The following USP46 variants were observed in gnomAD, a reference collection of about 807,000 sequenced individuals.
The protein encoded by USP46 is ubiquitin specific peptidase 46, also known as ubiquitin carboxyl-terminal hydrolase 46.
A neutral mutation model predicts 44.4 loss-of-function variants in USP46; 12 were observed. The ratio of observed to expected loss-of-function variants is 0.27; its 90% CI spans 0.17 to 0.44. The LOEUF is 0.44. Ranked by LOEUF, USP46 falls within the 20% of genes least tolerant of loss-of-function variation. The pLI is 1.00. For synonymous variants in USP46, 155 were observed against 161.5 expected (o/e 0.96, Z 0.31); for missense variants, 248 against 444.8 (o/e 0.56, Z 3.98).
At position 52,597,575 on chromosome 4, in the gene USP46, G is replaced by A. The variant is rs1358900862; in HGVS notation, c.*65C>T. 2.1e-5 allele frequency: 24 copies of A among 1,148,514 alleles called. No individual in the cohort carries two copies. Among genetic ancestry groups the A allele is most frequent in the Non-Finnish European group, 2.8e-5 (22 of 791,904 alleles). The allele number at this position is 1,148,514 out of a possible 1,614,324, so 71.1% of individuals were successfully genotyped here. ...GCCACTGGGGAAGAGGAAAGCCTGC[G>A]GAGAAGCCGGGTGACAGTGCTGTGA... is the stretch of plus-strand genomic sequence containing the variant. On this transcript the variant is annotated 3_prime_UTR_variant, in exon 9 of 9. Transcript: ENST00000441222.
intron 5 of USP46, among the ~76,000 whole-genome samples, chr4:52,608,462 G>C (rs946681343): frequency 2.6e-5 from 4 of 152,230 alleles, no homozygotes; most frequent in African/African-American, 9.6e-5. Flanking sequence ...TGGGGCTCTG[G>C]CACAGCCAGG....
At chr4:52,649,259 A>G (rs921755075) in intron 1 of USP46, among the ~76,000 whole-genome samples, 1 of 152,240 alleles carries the variant, frequency 6.6e-6, no homozygotes, top group Non-Finnish European at 1.5e-5. Context: ...TGATGAACTA[A>G]AAGAGTGAGA....
At chr4:52,603,962 G>C (rs200762035) in intron 6 of USP46, among the ~76,000 whole-genome samples, 2 of 152,270 alleles carry the variant, frequency 1.3e-5, no homozygotes, top group East Asian at 3.9e-4. Context: ...TGGGATTATA[G>C]GTGTGAGCCA....
At chr4:52,627,851 C>T (rs1717652591) in intron 3 of USP46, 99 bp downstream of exon 3, 1 of 1,332,054 alleles carries the variant, frequency 7.5e-7, no homozygotes. Context: ...CTTATTTTCC[C>T]TTTTCAAAAA....
chr4:52,597,709 A>G lies in USP46; in HGVS notation c.1032T>C (p.Tyr344=), dbSNP rs375396424. 4.2e-5 allele frequency: 67 copies of G among 1,603,520 alleles called. No individual in the cohort carries two copies. Among genetic ancestry groups the G allele is most frequent in the Non-Finnish European group, 5.7e-5 (67 of 1,174,884 alleles). The change falls in exon 9 of 9, where the codon TAT becomes TAC. Residue 344 remains tyrosine, a synonymous_variant. Coordinates refer to ENST00000441222, the MANE Select transcript of USP46 (RefSeq NM_022832.4). The part of the protein sequence containing the change: ...KIDAQAIEEF[Y]GLTSDISKNS... ...TTTTTGATATATCTGACGTCAGGCC[A>G]TAGAATTCTTCAATAGCTTGAGCAT...
At position 52,626,133 on chromosome 4, in the gene USP46, A is replaced by G; in HGVS notation, c.446T>C (p.Leu149Ser). 1.2e-6 allele frequency: 2 copies of G among 1,613,788 alleles called. No homozygotes were observed. Among genetic ancestry groups the G allele is most frequent in the Non-Finnish European group, 1.7e-6 (2 of 1,179,838 alleles). Residue 149 changes from leucine (L) to serine (S), a missense_variant, in exon 4 of 9, where the codon TTA becomes TCA. Leu to Ser is a moderately radical substitution (Grantham distance 145). Coordinates refer to ENST00000441222, the MANE Select transcript of USP46 (RefSeq NM_022832.4). ...AGGTTCGTTCATGTTGCCATTTTTT[A>G]ATTTTCCATTTTGTTTTTCCTGTTT... ...EKKQEKQNGKLKNGNMNEPAE... is the reference protein window; with the variant it reads ...EKKQEKQNGKSKNGNMNEPAE...
Position 52,626,250 on chromosome 4 carries a change from G to A in USP46, c.332-3C>T. 6.2e-7 allele frequency: 1 copy of A among 1,607,988 alleles called. No individual in the cohort carries two copies. Among genetic ancestry groups the A allele is most frequent in the Non-Finnish European group, 8.5e-7 (1 of 1,177,086 alleles). ...CTGCATGTAGTTATCAAAGAGATCT[G>A]GAAAGGAGAAGGTGGTTATTTCAGT... On this transcript the variant is annotated splice_polypyrimidine_tract_variant and splice_region_variant and intron_variant, in intron 3 of 8. Transcript: ENST00000441222.
intron 6 of USP46, among the ~76,000 whole-genome samples, 157 bp downstream of exon 6, chr4:52,604,344 T>C (rs1716593030): frequency 1.3e-5 from 2 of 152,230 alleles, no homozygotes; most frequent in African/African-American, 4.8e-5. Flanking sequence ...AGCGTTCTTA[T>C]CCCAGTTTCA....
At chr4:52,628,742 G>A (rs1717697233) in intron 2 of USP46, among the ~76,000 whole-genome samples, 1 of 152,174 alleles carries the variant, frequency 6.6e-6, no homozygotes, top group African/African-American at 2.4e-5. Flanking sequence ...CAGCAACGCA[G>A]GCAAAAATAT....
chr4:52,629,143 G>A (rs775547054), intron 2 of USP46, among the ~76,000 whole-genome samples: 5 of 152,204 alleles, frequency 3.3e-5, no homozygotes, highest in Admixed American at 1.3e-4. Flanking sequence ...TCTCAAAACT[G>A]GTTGTTGGCT....
At chr4:52,610,494 A>T in intron 5 of USP46, 47 bp downstream of exon 5, 2 of 1,520,084 alleles carry the variant, frequency 1.3e-6, no homozygotes, top group Non-Finnish European at 1.8e-6. Context: ...TCTCCCACTT[A>T]GTTACAAGCC....
chr4:52,630,472 G>C (rs529157147), intron 2 of USP46, among the ~76,000 whole-genome samples: 1 of 152,076 alleles, frequency 6.6e-6, no homozygotes. Flanking sequence ...AGCAGATTTC[G>C]GGCCTGGTGC....
chr4:52,633,195 C>T (rs960614704), intron 1 of USP46, among the ~76,000 whole-genome samples: 5 of 152,154 alleles, frequency 3.3e-5, no homozygotes, highest in African/African-American at 1.2e-4. Context: ...TGACCCTCCT[C>T]GGACCACAGA....
chr4:52,629,807 T>A (rs1717745646), intron 2 of USP46: 1 of 445,472 alleles, frequency 2.2e-6, no homozygotes, highest in Admixed American at 2.4e-5. Flanking sequence ...GAAGCCATTA[T>A]GACCCCCACT....
intron 1 of USP46, among the ~76,000 whole-genome samples, chr4:52,647,921 T>C (rs1348231259): frequency 6.6e-6 from 1 of 152,134 alleles, no homozygotes; most frequent in East Asian, 1.9e-4. Flanking sequence ...TCTACTACAG[T>C]GTTTGGTGGA....
chr4:52,592,163 C>T lies in USP46; in HGVS notation c.*5477G>A, dbSNP rs374498469. 1.3e-5 allele frequency: 2 copies of T among 152,300 alleles called. No individual in the cohort carries two copies. Among genetic ancestry groups the T allele is most frequent in the Admixed American group, 6.5e-5 (1 of 15,296 alleles). The allele number at this position is 152,300 out of a possible 1,614,324, so 9.4% of individuals were successfully genotyped here. On this transcript the variant is annotated 3_prime_UTR_variant, in exon 9 of 9. Transcript: ENST00000441222. ...CAACTTAAATTTTAAATTTCTTTCT[C>T]ACCCAGACTTGTCTTCTGAGACAAA...
intron 4 of USP46, among the ~76,000 whole-genome samples, chr4:52,622,085 G>A (rs569708261): frequency 6.6e-6 from 1 of 152,176 alleles, no homozygotes; most frequent in East Asian, 1.9e-4. Flanking sequence ...ATACACATGC[G>A]TATGTATGTA....
intron 1 of USP46, among the ~76,000 whole-genome samples, chr4:52,639,164 A>G: frequency 6.6e-6 from 1 of 152,368 alleles, no homozygotes; most frequent in Non-Finnish European, 1.5e-5. Context: ...TTGCTTAAAG[A>G]TAAATTAAGC....
intron 2 of USP46, among the ~76,000 whole-genome samples, chr4:52,628,744 C>A (rs1020363106): frequency 6.6e-6 from 1 of 152,190 alleles, no homozygotes; most frequent in Non-Finnish European, 1.5e-5. Flanking sequence ...GCAACGCAGG[C>A]AAAAATATGC....
Sources: allele counts gnomAD v4.1 joint callset (sites outside exome capture counted in the v4.1 genomes callset), GRCh38; gene constraint gnomAD v4.1.1; transcripts MANE v1.5; gene names NCBI Gene and HGNC (gene_info 2026-07-23, HGNC 2026-07-21).